Variants in SFXN5 observed in about 807,000 individuals in gnomAD.
SFXN5 encodes the protein sideroflexin-5.
In SFXN5, 43 loss-of-function variants were observed where a neutral mutation model predicts 50.2. The observed-to-expected ratio is 0.86, with a 90% CI of 0.67 to 1.11. SFXN5 has a LOEUF of 1.11. Ranked by LOEUF, SFXN5 falls within the 50% of genes least tolerant of loss-of-function variation. The pLI, the probability that SFXN5 is intolerant of heterozygous loss-of-function variation, is 0.00. For missense variants in SFXN5, 463 were observed against 454.1 expected (o/e 1.02, Z -0.18); for synonymous variants, 203 against 185.8 (o/e 1.09, Z -0.75).
rs755192075 is a variant in SFXN5, at chr2:73,058,554, C to T, written c.145G>A (p.Asp49Asn). Reference protein sequence around the residue: ...GRFRHFLDIIDPRTLFVTERR... With the variant: ...GRFRHFLDIINPRTLFVTERR... ...TCAGTGACAAAGAGTGTGCGAGGGT[C>T]GATGATATCCAAGAAGTGCCTGAAG... Residue 49 changes from aspartate (D) to asparagine (N), a missense_variant, in exon 2 of 14, where the codon GAC becomes AAC. By Grantham distance (23) the Asp-to-Asn change is conservative. Transcript: ENST00000272433. 4 of 1,613,870 alleles carry T rather than the reference C, an allele frequency of 2.5e-6. No individual in the cohort carries two copies. The highest frequency in any genetic ancestry group is 1.7e-5 in the Admixed American group (1 of 59,990).
rs1671877494 is a variant in SFXN5, at chr2:72,945,871, A to C, written c.946-772T>G. On this transcript the variant is annotated intron_variant, in intron 13 of 13. Transcript: ENST00000272433. This position sits in a 1 kb window ranked among gnomAD's most constrained non-coding sequence, Gnocchi z 5.8. ...CATAGCCAGGTCAGCTCCCTCGCCC[A>C]CTCTCCAGAGGCCACTGGATACCTG... Among the ~76,000 whole-genome samples, 3 of 146,874 alleles carry C rather than the reference A, an allele frequency of 2.0e-5. No individual in the cohort carries two copies. The highest frequency in any genetic ancestry group is 6.8e-5 in the Admixed American group (1 of 14,692).
Position 72,949,896 on chromosome 2 carries a change from G to A in SFXN5, c.946-4797C>T, listed in dbSNP as rs747337444. 1.5e-3 allele frequency among the ~76,000 whole-genome samples: 222 copies of A among 151,954 alleles called. 7 individuals carry two copies. The highest frequency in any genetic ancestry group is 7.4e-4 in the Non-Finnish European group (50 of 67,978). On this transcript the variant is annotated intron_variant, in intron 13 of 13. Coordinates refer to ENST00000272433, the MANE Select transcript of SFXN5 (RefSeq NM_144579.3). ...CTCAGGAGCTGGGGTGGCTGGTGACGCCATTCTCGGAGGGAATATGGGAGG... is the reference window on the plus strand; with the variant it reads ...CTCAGGAGCTGGGGTGGCTGGTGACACCATTCTCGGAGGGAATATGGGAGG...
chr2:73,054,176 G>C (rs1681777460), intron 2 of SFXN5, among the ~76,000 whole-genome samples: 1 of 152,164 alleles, frequency 6.6e-6, no homozygotes, highest in Non-Finnish European at 1.5e-5. Flanking sequence ...CTTTCAAAAA[G>C]GCCAGCAGGT....
chr2:73,059,371 A>G (rs984445242), intron 1 of SFXN5: 3 of 985,418 alleles, frequency 3.0e-6, no homozygotes, highest in Non-Finnish European at 3.6e-6. Flanking sequence ...GCTGGGGTTC[A>G]TGCCTCACTA....
At chr2:73,017,185 A>G (rs1676270424) in intron 6 of SFXN5, among the ~76,000 whole-genome samples, 1 of 152,222 alleles carries the variant, frequency 6.6e-6, no homozygotes, top group African/African-American at 2.4e-5. Context: ...GGGAAAGCAG[A>G]TATTTGTATC....
intron 1 of SFXN5, among the ~76,000 whole-genome samples, chr2:73,068,469 G>A (rs1463629984): frequency 2.0e-5 from 3 of 152,252 alleles, no homozygotes; most frequent in East Asian, 3.9e-4. Flanking sequence ...TCTCAGCACT[G>A]ATGAACCTTA....
Position 72,945,645 on chromosome 2 carries a change from G to A in SFXN5, c.946-546C>T, listed in dbSNP as rs144135888. Among the ~76,000 whole-genome samples the A allele has an allele frequency of 2.6e-3, 391 of 152,096 alleles. No homozygotes were observed. Among genetic ancestry groups the A allele is most frequent in the African/African-American group, 8.1e-3 (337 of 41,466 alleles). Reference sequence around the variant, plus strand: ...TCTTTACATCTTCCCCTGCAGTCCCGATTCCAGGGGCCATCCCTTCAGCTA... The same window carrying A: ...TCTTTACATCTTCCCCTGCAGTCCCAATTCCAGGGGCCATCCCTTCAGCTA... On this transcript the variant is annotated intron_variant, in intron 13 of 13. Transcript: ENST00000272433. This position sits in a 1 kb window ranked among gnomAD's most constrained non-coding sequence, Gnocchi z 5.8.
intron 13 of SFXN5, among the ~76,000 whole-genome samples, chr2:72,949,985 G>A (rs1425610088): frequency 6.6e-6 from 1 of 152,104 alleles, no homozygotes; most frequent in Admixed American, 6.5e-5. Flanking sequence ...GTGCCAGTGG[G>A]TTCCCCAGGT....
rs1459821140 is a variant in SFXN5, at chr2:73,058,573, C to T, written c.126G>A (p.Arg42=). The change falls in exon 2 of 14, where the codon AGG becomes AGA. Residue 42 remains arginine, a synonymous_variant. Coordinates refer to ENST00000272433, the MANE Select transcript of SFXN5 (RefSeq NM_144579.3). ...FQQTSFYGRF[R]HFLDIIDPRT... Reference sequence around the variant, plus strand: ...GAGGGTCGATGATATCCAAGAAGTGCCTGAAGCGGCCATAGAAGGACGTCT... The same window carrying T: ...GAGGGTCGATGATATCCAAGAAGTGTCTGAAGCGGCCATAGAAGGACGTCT... 1 of 1,614,098 alleles carries T rather than the reference C, an allele frequency of 6.2e-7. No individual in the cohort carries two copies. Among genetic ancestry groups the T allele is most frequent in the Non-Finnish European group, 8.5e-7 (1 of 1,179,994 alleles).
chr2:72,961,143 C>T lies in SFXN5; in HGVS notation c.933G>A (p.Pro311=), dbSNP rs758902797. 6.9e-6 allele frequency: 11 copies of T among 1,583,168 alleles called. No homozygotes were observed. The highest frequency in any genetic ancestry group is 1.4e-5 in the African/African-American group (1 of 73,084). ...CCTCCCCACTGACCTCTGACATTTG[C>T]GGGAAGAGGCTGATGGCCAGCGGCA... The part of the protein sequence containing the change: ...LALPLAISLF[P]QMSEIETSQL... The change falls in exon 13 of 14, where the codon CCG becomes CCA. Residue 311 remains proline, a synonymous_variant. Coordinates refer to ENST00000272433, the MANE Select transcript of SFXN5 (RefSeq NM_144579.3). This position sits in a 1 kb window ranked among gnomAD's most constrained non-coding sequence, Gnocchi z 4.4.
At chr2:72,965,261 T>C (rs1443303253) in intron 12 of SFXN5, among the ~76,000 whole-genome samples, 3 of 152,118 alleles carry the variant, frequency 2.0e-5, no homozygotes, top group Non-Finnish European at 4.4e-5. Flanking sequence ...GGAGTTTGGC[T>C]GGGGCAGTCG....
At chr2:73,070,805 G>A (rs952979481) in intron 1 of SFXN5, 1 of 152,400 alleles carries the variant, frequency 6.6e-6, no homozygotes, top group Non-Finnish European at 1.5e-5. Context: ...CCAGTCCCCG[G>A]CGGCGCGGGG....
At chr2:73,071,470 T>TC (rs988189185) in intron 1 of SFXN5, 134 bp downstream of exon 1, 172 of 742,052 alleles carry the variant, frequency 2.3e-4, no homozygotes, top group Admixed American at 3.4e-4. Flanking sequence ...TGACCGAGGT[T>TC]CCCCCCCTGG....
intron 10 of SFXN5, among the ~76,000 whole-genome samples, chr2:72,981,846 G>A (rs911366303): frequency 6.6e-6 from 1 of 152,102 alleles, no homozygotes; most frequent in Admixed American, 6.6e-5. Flanking sequence ...CACCATTTCC[G>A]TACATAATTC....
chr2:72,980,125 C>CCTCTTCT (rs1379000294), intron 10 of SFXN5, among the ~76,000 whole-genome samples: 2 of 152,056 alleles, frequency 1.3e-5, no homozygotes, highest in African/African-American at 2.4e-5. Context: ...CCTCCCCTCC[C>CCTCTTCT]CTCTTCTCTC....
intron 6 of SFXN5, among the ~76,000 whole-genome samples, chr2:73,016,076 T>G (rs1676115509): frequency 6.6e-6 from 1 of 152,250 alleles, no homozygotes; most frequent in African/African-American, 2.4e-5. Context: ...ATTCTGATCT[T>G]TTATTCTGCT....
intron 12 of SFXN5, among the ~76,000 whole-genome samples, chr2:72,963,560 A>G (rs1674010258): frequency 6.6e-6 from 1 of 151,966 alleles, no homozygotes; most frequent in Non-Finnish European, 1.5e-5. Context: ...GAAAATGGCA[A>G]GGAGGGAAGG....
chr2:72,977,403 A>G (rs1489629130), intron 10 of SFXN5, among the ~76,000 whole-genome samples: 3 of 152,362 alleles, frequency 2.0e-5, no homozygotes, highest in Admixed American at 1.3e-4. Flanking sequence ...TCAAAATCAT[A>G]GAAAAACATA....
intron 12 of SFXN5, among the ~76,000 whole-genome samples, chr2:72,964,317 C>T (rs1674121526): frequency 6.6e-6 from 1 of 152,268 alleles, no homozygotes; most frequent in East Asian, 1.9e-4. Context: ...GGCTGCCTTC[C>T]TTGTCAGCCT....
Sources: gnomAD v4.1 joint callset for allele counts (sites outside exome capture counted in the v4.1 genomes callset) on GRCh38, gnomAD v4.1.1 for gene constraint, Gnocchi (gnomAD v3.1) non-coding constraint, MANE v1.5 for transcripts, NCBI Gene and HGNC (gene_info 2026-07-23, HGNC 2026-07-21) for gene names.